Variants in CEP152 observed in about 807,000 individuals in gnomAD.
The protein encoded by CEP152 is centrosomal protein 152.
Under a neutral mutation model 188.9 loss-of-function variants are expected in CEP152, and 132 were observed. The ratio of observed to expected loss-of-function variants is 0.70; its 90% CI spans 0.61 to 0.81. The LOEUF (loss-of-function observed/expected upper bound fraction) is 0.81, where lower values mean the gene tolerates loss of function less well. Ranked by LOEUF, CEP152 falls within the 30% of genes least tolerant of loss-of-function variation. The pLI, the probability that CEP152 is intolerant of heterozygous loss-of-function variation, is 0.00. For synonymous variants in CEP152, 649 were observed against 666.6 expected, an observed-to-expected ratio of 0.97 and a Z score of 0.41; for missense variants, 1,914 against 1,969.8, an observed-to-expected ratio of 0.97 and a Z score of 0.54.
chr15:48,760,112 T>G, intron 19 of CEP152, 23 bp downstream of exon 19: 1 of 1,613,750 alleles, frequency 6.2e-7, no homozygotes, highest in Non-Finnish European at 8.5e-7. Flanking sequence ...CCTCCTGAAG[T>G]GTCTTTGCAG....
chr15:48,792,520 A>G (rs910338391), intron 7 of CEP152, among the ~76,000 whole-genome samples: 2 of 152,338 alleles, frequency 1.3e-5, no homozygotes, highest in Non-Finnish European at 2.9e-5. Context: ...AGCAATTATA[A>G]TTTGAATCTG....
intron 19 of CEP152, 64 bp downstream of exon 19, chr15:48,760,071 C>A: frequency 6.2e-7 from 1 of 1,607,934 alleles, no homozygotes; most frequent in Non-Finnish European, 8.5e-7. Flanking sequence ...ATTCCAAGGA[C>A]TGAGATAAGA....
intron 2 of CEP152, among the ~76,000 whole-genome samples, chr15:48,732,901 C>A (rs1892472411): frequency 6.6e-6 from 1 of 151,146 alleles, no homozygotes; most frequent in African/African-American, 2.4e-5. Context: ...TCAGCCTGGG[C>A]AACATGGTGA....
intron 6 of CEP152, among the ~76,000 whole-genome samples, chr15:48,793,797 A>G (rs1897132207): frequency 6.6e-6 from 1 of 152,220 alleles, no homozygotes; most frequent in Admixed American, 6.5e-5. Context: ...ATAACCCTGA[A>G]TCACTAACTA....
chr15:48,763,387 G>C (rs1424963258), intron 17 of CEP152, among the ~76,000 whole-genome samples: 1 of 152,150 alleles, frequency 6.6e-6, no homozygotes, highest in Non-Finnish European at 1.5e-5. Flanking sequence ...AAAGAATCTA[G>C]TTGAGGCCAG....
intron 9 of CEP152, among the ~76,000 whole-genome samples, chr15:48,786,583 C>T (rs1422249721): frequency 6.6e-6 from 1 of 152,104 alleles, no homozygotes; most frequent in African/African-American, 2.4e-5. Flanking sequence ...TGGCATGATG[C>T]CGAGGTCTGG....
intron 21 of CEP152, among the ~76,000 whole-genome samples, chr15:48,751,119 T>C (rs1893845214): frequency 6.6e-6 from 1 of 152,306 alleles, no homozygotes; most frequent in African/African-American, 2.4e-5. Context: ...TTAAAGGACT[T>C]TATCACTTAA....
intron 2 of CEP152, among the ~76,000 whole-genome samples, chr15:48,802,012 G>A (rs1023452795): frequency 2.6e-5 from 4 of 151,496 alleles, no homozygotes; most frequent in Non-Finnish European, 2.9e-5. Flanking sequence ...CAGGAGAATC[G>A]CTTGAACCCG....
At chr15:48,752,269 T>A (rs1893926231) in intron 21 of CEP152, 80 bp downstream of exon 21, 1 of 1,610,588 alleles carries the variant, frequency 6.2e-7, no homozygotes, top group Non-Finnish European at 8.5e-7. Context: ...ACATCTATGA[T>A]CTCCTTTTAT....
chr15:48,796,469 A>G (rs1002646741), intron 5 of CEP152, among the ~76,000 whole-genome samples: 2 of 152,170 alleles, frequency 1.3e-5, no homozygotes, highest in Admixed American at 1.3e-4. Flanking sequence ...GAATTCCAAT[A>G]AGACTATATA....
At chr15:48,736,203 C>A (rs377311223), downstream of CEP152, among the ~76,000 whole-genome samples, 4 of 152,162 alleles carry the variant, frequency 2.6e-5, no homozygotes, top group East Asian at 7.7e-4. Context: ...CTAGTAAACT[C>A]CATCCAATAT....
intron 18 of CEP152, 66 bp downstream of exon 18, chr15:48,762,325 T>A: frequency 1.5e-6 from 2 of 1,367,750 alleles, no homozygotes; most frequent in Non-Finnish European, 2.1e-6. Flanking sequence ...AATGATAGCA[T>A]TGTATGGGTT....
At chr15:48,800,370 G>T (rs892900012) in intron 2 of CEP152, among the ~76,000 whole-genome samples, 2 of 152,150 alleles carry the variant, frequency 1.3e-5, no homozygotes, top group African/African-American at 4.8e-5. Context: ...AAAGCTAAAT[G>T]AAGTCCTCCT....
chr15:48,797,560 C>T lies in CEP152; in HGVS notation c.281G>A (p.Ser94Asn), dbSNP rs761737726. The T allele has an allele frequency of 1.2e-6, 2 of 1,614,068 alleles. No homozygotes were observed. Among genetic ancestry groups the T allele is most frequent in the East Asian group, 2.2e-5 (1 of 44,876 alleles). ...QSVNGYNEIQ[S>N]LYAGEKCGNV... is the part of the protein sequence containing the mutation. Reference sequence around the variant, plus strand: ...ACCACATTTTTCTCCAGCATATAAACTCTGAATTTCATTATAGCCCTATTA... The same window carrying T: ...ACCACATTTTTCTCCAGCATATAAATTCTGAATTTCATTATAGCCCTATTA... The change falls in exon 5 of 27, where the codon AGT (serine) becomes AAT (asparagine). Residue 94 changes from serine (S) to asparagine (N), a missense_variant. Ser to Asn is a conservative substitution (Grantham distance 46, BLOSUM62 1). Transcript: ENST00000380950.
intron 26 of CEP152, among the ~76,000 whole-genome samples, chr15:48,740,033 C>T (rs779927983): frequency 4.6e-5 from 7 of 152,172 alleles, no homozygotes; most frequent in Non-Finnish European, 8.8e-5. Flanking sequence ...ACAATCTCAG[C>T]TTCAAGTTTT....
chr15:48,742,491 G>A (rs1028003900), intron 24 of CEP152, among the ~76,000 whole-genome samples: 2 of 152,126 alleles, frequency 1.3e-5, no homozygotes, highest in African/African-American at 4.8e-5. Flanking sequence ...AGGTTAAGCA[G>A]AAAGAAAGGA....
intron 2 of CEP152, among the ~76,000 whole-genome samples, chr15:48,732,677 A>G (rs1288498867): frequency 5.3e-5 from 8 of 150,628 alleles, no homozygotes; most frequent in African/African-American, 2.0e-4. Context: ...AGAGTAAAGG[A>G]AAAAAAAAGA....
At chr15:48,753,177 C>G (rs560446732) in intron 20 of CEP152, among the ~76,000 whole-genome samples, 1 of 152,132 alleles carries the variant, frequency 6.6e-6, no homozygotes, top group Non-Finnish European at 1.5e-5. Context: ...CCTCCTCTAT[C>G]GGCCAGGCTG....
At chr15:48,801,623 T>C (rs1409034631) in intron 2 of CEP152, among the ~76,000 whole-genome samples, 1 of 152,146 alleles carries the variant, frequency 6.6e-6, no homozygotes, top group Non-Finnish European at 1.5e-5. Context: ...TATACACACA[T>C]AAATAGATAA....
Sources: gnomAD v4.1 joint callset for allele counts (sites outside exome capture counted in the v4.1 genomes callset) on GRCh38, gnomAD v4.1.1 for gene constraint, MANE v1.5 for transcripts, NCBI Gene and HGNC (gene_info 2026-07-23, HGNC 2026-07-21) for gene names.